The following AGBL4 variants were observed in gnomAD, a reference collection of about 807,000 sequenced individuals.
AGBL4 encodes AGBL carboxypeptidase 4.
In AGBL4, 58 loss-of-function variants were observed where a neutral mutation model predicts 66.4. That is an observed-to-expected ratio of 0.87 (90% CI 0.71 to 1.09). The LOEUF (loss-of-function observed/expected upper bound fraction) is 1.09, where lower values mean the gene tolerates loss of function less well. AGBL4 is among the 50% of genes least tolerant of loss of function. AGBL4 has a pLI of 0.00. For missense variants in AGBL4, 579 were observed against 631.0 expected, an observed-to-expected ratio of 0.92 and a Z score of 0.88; for synonymous variants, 234 against 222.9, an observed-to-expected ratio of 1.05 and a Z score of -0.44.
chr1:48,788,853 A>G (rs1401943544), intron 6 of AGBL4, among the ~76,000 whole-genome samples: 1 of 152,264 alleles, frequency 6.6e-6, no homozygotes, highest in Non-Finnish European at 1.5e-5. Flanking sequence ...GTAGAGAATC[A>G]GACAGACAGT....
intron 3 of AGBL4, among the ~76,000 whole-genome samples, chr1:49,366,781 C>T (rs949493951): frequency 6.6e-6 from 1 of 152,142 alleles, no homozygotes; most frequent in East Asian, 1.9e-4. Flanking sequence ...CTTCTTGCTG[C>T]TTTTCAAATT....
At chr1:49,122,357 T>A (rs1235135338) in intron 4 of AGBL4, among the ~76,000 whole-genome samples, 3 of 152,026 alleles carry the variant, frequency 2.0e-5, no homozygotes. Context: ...GACCCCACAT[T>A]TTTTTTTCTT....
chr1:49,830,125 T>C (rs1645623391), intron 2 of AGBL4, among the ~76,000 whole-genome samples: 2 of 152,214 alleles, frequency 1.3e-5, no homozygotes, highest in African/African-American at 4.8e-5. Context: ...CCTTTGGGTA[T>C]ATAACCAGTA....
At chr1:49,783,466 C>A (rs1644382696) in intron 2 of AGBL4, among the ~76,000 whole-genome samples, 10 of 152,048 alleles carry the variant, frequency 6.6e-5, no homozygotes, top group Admixed American at 6.6e-4. Context: ...CAAAATCAAA[C>A]CCCCTCAACA....
In AGBL4 at chr1:49,917,873, T is replaced by A. The variant is rs192693953; in HGVS notation, c.35-66355A>T. 1.1e-3 allele frequency among the ~76,000 whole-genome samples: 161 copies of A among 152,252 alleles called. 5 individuals carry two copies. The highest frequency in any genetic ancestry group is 2.6e-4 in the Admixed American group (4 of 15,294). On this transcript the variant is annotated intron_variant, in intron 1 of 13. Transcript: ENST00000371839. ...AGCAAATGCAAAACAACAGAAATTA[T>A]AACAAACTCTCTCTCAGACCACAGT...
intron 4 of AGBL4, among the ~76,000 whole-genome samples, chr1:49,051,403 C>A (rs1460958525): frequency 6.6e-6 from 1 of 152,102 alleles, no homozygotes; most frequent in East Asian, 1.9e-4. Flanking sequence ...CAGATTTATC[C>A]AACAACGGCA....
intron 3 of AGBL4, among the ~76,000 whole-genome samples, chr1:49,521,404 A>G (rs952312869): frequency 1.3e-5 from 2 of 152,116 alleles, no homozygotes; most frequent in Admixed American, 1.3e-4. Flanking sequence ...TACTGGTACA[A>G]AAACAGACAC....
intron 6 of AGBL4, among the ~76,000 whole-genome samples, chr1:48,678,196 T>C (rs1037105322): frequency 6.6e-6 from 1 of 152,178 alleles, no homozygotes; most frequent in Non-Finnish European, 1.5e-5. Context: ...GCACAGCTGC[T>C]GGCCACAGCC....
At chr1:49,450,523 G>T (rs1270279152) in intron 3 of AGBL4, among the ~76,000 whole-genome samples, 1 of 152,116 alleles carries the variant, frequency 6.6e-6, no homozygotes, top group East Asian at 1.9e-4. Flanking sequence ...AGGTATTTCA[G>T]AAATGTCTGA....
intron 1 of AGBL4, among the ~76,000 whole-genome samples, chr1:49,998,331 C>T (rs574157833): frequency 6.6e-6 from 1 of 152,030 alleles, no homozygotes; most frequent in East Asian, 1.9e-4. Flanking sequence ...AATTAGAAAA[C>T]CTGGAGGAGA....
At chr1:48,734,655 G>A (rs564764767) in intron 6 of AGBL4, among the ~76,000 whole-genome samples, 2 of 152,266 alleles carry the variant, frequency 1.3e-5, no homozygotes, top group South Asian at 4.2e-4. Context: ...TATTCTGCCT[G>A]ATTTGCCACC....
chr1:50,019,015 C>A (rs1313207417), intron 1 of AGBL4, among the ~76,000 whole-genome samples: 5 of 151,936 alleles, frequency 3.3e-5, no homozygotes, highest in Admixed American at 2.0e-4. Flanking sequence ...TTATGTGACT[C>A]TGTTTATAAT....
At chr1:49,383,373 C>T (rs1557888919) in intron 3 of AGBL4, among the ~76,000 whole-genome samples, 1 of 151,952 alleles carries the variant, frequency 6.6e-6, no homozygotes, top group Non-Finnish European at 1.5e-5. Flanking sequence ...TAGTTAAAAG[C>T]CTGACACTTT....
chr1:49,909,803 G>T (rs1004186254), intron 1 of AGBL4, among the ~76,000 whole-genome samples: 1 of 152,164 alleles, frequency 6.6e-6, no homozygotes, highest in Non-Finnish European at 1.5e-5. Context: ...TAATGAATCT[G>T]ATATAGATTG....
chr1:49,943,693 G>T (rs1430720382), intron 1 of AGBL4, among the ~76,000 whole-genome samples: 1 of 150,960 alleles, frequency 6.6e-6, no homozygotes, highest in Non-Finnish European at 1.5e-5. Context: ...TGAGAGGGCT[G>T]CCAGAGGTAC....
intron 3 of AGBL4, among the ~76,000 whole-genome samples, chr1:49,364,767 C>T (rs116473889): frequency 0.011 from 1,678 of 152,284 alleles, 27 homozygotes; most frequent in African/African-American, 0.039. Flanking sequence ...CGTGAGCCAC[C>T]GTGCCGGGCC....
chr1:49,907,613 A>G (rs796862012), intron 1 of AGBL4, among the ~76,000 whole-genome samples: 5 of 152,320 alleles, frequency 3.3e-5, no homozygotes, highest in African/African-American at 1.2e-4. Flanking sequence ...ATTCTGGAAA[A>G]GGAAAAACTA....
intron 3 of AGBL4, among the ~76,000 whole-genome samples, chr1:49,436,828 A>G (rs1645914768): frequency 6.6e-6 from 1 of 152,210 alleles, no homozygotes; most frequent in Admixed American, 6.5e-5. Flanking sequence ...AGACTTTGTT[A>G]TAAAAAACAA....
intron 4 of AGBL4, among the ~76,000 whole-genome samples, chr1:49,207,515 C>CT (rs1299270593): frequency 2.5e-4 from 35 of 138,810 alleles, no homozygotes; most frequent in African/African-American, 5.5e-4. Flanking sequence ...CTTTTTCTTT[C>CT]TTTCTTTCTC....
Sources: allele counts gnomAD v4.1 joint callset (sites outside exome capture counted in the v4.1 genomes callset), GRCh38; gene constraint gnomAD v4.1.1; transcripts MANE v1.5; gene names NCBI Gene and HGNC (gene_info 2026-07-23, HGNC 2026-07-21).